Variants in DST observed in about 807,000 individuals in gnomAD.
DST encodes dystonin.
In DST, 253 loss-of-function variants were observed where a neutral mutation model predicts 875.2. The observed-to-expected ratio is 0.29, with a 90% CI of 0.26 to 0.32. DST has a LOEUF of 0.32. DST is among the 10% of genes least tolerant of loss of function. DST has a pLI of 1.00. For synonymous variants in DST, 3,124 were observed against 3,197.1 expected, an observed-to-expected ratio of 0.98 and a Z score of 0.77; for missense variants, 8,287 against 9,111.6, an observed-to-expected ratio of 0.91 and a Z score of 3.68.
intron 4 of DST, among the ~76,000 whole-genome samples, chr6:56,790,156 T>A (rs1412456403): frequency 1.3e-5 from 2 of 152,152 alleles, no homozygotes; most frequent in Non-Finnish European, 2.9e-5. Context: ...ACTTTCCCAT[T>A]ATTTCTCCAG....
intron 63 of DST, among the ~76,000 whole-genome samples, chr6:56,534,657 C>G (rs2096961715): frequency 1.3e-5 from 2 of 152,164 alleles, no homozygotes; most frequent in Non-Finnish European, 2.9e-5. Flanking sequence ...TATTTCCATA[C>G]AAATGCCATC....
intron 9 of DST, among the ~76,000 whole-genome samples, chr6:56,679,649 C>A (rs560548095): frequency 1.3e-5 from 2 of 150,284 alleles, no homozygotes; most frequent in African/African-American, 4.9e-5. Context: ...CACGTGCCTG[C>A]GGTCCAAGCT....
At chr6:56,641,854 T>C in intron 17 of DST, 93 bp downstream of exon 17, 1 of 990,858 alleles carries the variant, frequency 1.0e-6, no homozygotes, top group Middle Eastern at 3.0e-4. Flanking sequence ...GAAATATATT[T>C]CATAAAATTT....
chr6:56,507,513 G>A (rs1216854890), intron 75 of DST, among the ~76,000 whole-genome samples: 3 of 152,186 alleles, frequency 2.0e-5, no homozygotes, highest in African/African-American at 7.2e-5. Flanking sequence ...GAACACAGAT[G>A]CACTAACTCT....
chr6:56,642,602 C>A, intron 15 of DST, 99 bp from the exon 16 acceptor site: 1 of 1,613,928 alleles, frequency 6.2e-7, no homozygotes, highest in African/African-American at 1.3e-5. Flanking sequence ...AAACACAATC[C>A]CACACCAATG....
Position 56,619,314 on chromosome 6 carries a change from G to A in DST, c.4930-4830C>T, listed in dbSNP as rs1277472105. 20 of 1,610,648 alleles carry A rather than the reference G, an allele frequency of 1.2e-5. No homozygotes were observed. The highest frequency in any genetic ancestry group is 1.7e-5 in the Non-Finnish European group (20 of 1,179,204). On this transcript the variant is annotated intron_variant, in intron 36 of 103. Coordinates refer to ENST00000680361, the MANE Select transcript of DST (RefSeq NM_001374736.1). ...TGCCTAGTAAGCTCCTCTACTTTTT[G>A]TTTTAGCATCTCTGCACACTCATTA... is the stretch of plus-strand genomic sequence containing the variant.
intron 69 of DST, among the ~76,000 whole-genome samples, chr6:56,524,368 T>G (rs2096759526): frequency 6.6e-6 from 1 of 152,096 alleles, no homozygotes; most frequent in East Asian, 1.9e-4. Context: ...ATTAGATACC[T>G]CCACTTTGTT....
intron 4 of DST, among the ~76,000 whole-genome samples, chr6:56,832,854 C>T (rs376755908): frequency 1.1e-4 from 16 of 152,248 alleles, no homozygotes; most frequent in Admixed American, 4.6e-4. Flanking sequence ...ATTCTCCTGC[C>T]GCAGCCTCCT....
intron 13 of DST, among the ~76,000 whole-genome samples, chr6:56,647,699 T>TC (rs2098951717): frequency 6.6e-6 from 1 of 151,790 alleles, no homozygotes; most frequent in African/African-American, 2.4e-5. Context: ...TTTTTTTTTT[T>TC]TTTTGAGACG....
At chr6:56,564,796 C>T (rs1420069957) in intron 55 of DST, among the ~76,000 whole-genome samples, 3 of 152,088 alleles carry the variant, frequency 2.0e-5, no homozygotes, top group South Asian at 4.2e-4. Context: ...TGAATGTTAT[C>T]GAAGGCCTTT....
chr6:56,757,871 G>A (rs2099608011), intron 4 of DST, among the ~76,000 whole-genome samples: 1 of 152,152 alleles, frequency 6.6e-6, no homozygotes, highest in Non-Finnish European at 1.5e-5. Context: ...CTTCTCTCAA[G>A]TAAGAGAAAA....
chr6:56,664,278 T>G (rs1009952599), intron 10 of DST, among the ~76,000 whole-genome samples: 1 of 152,224 alleles, frequency 6.6e-6, no homozygotes, highest in Non-Finnish European at 1.5e-5. Flanking sequence ...CTTTCATTAA[T>G]GTTCTAAGGC....
At chr6:56,508,424 C>G in intron 75 of DST, 105 bp downstream of exon 75, 1 of 923,002 alleles carries the variant, frequency 1.1e-6, no homozygotes, top group Non-Finnish European at 1.7e-6. Context: ...TTTTCAGAAC[C>G]AAATATAAAT....
At chr6:56,850,446 C>T (rs1764578997) in intron 4 of DST, among the ~76,000 whole-genome samples, 1 of 151,824 alleles carries the variant, frequency 6.6e-6, no homozygotes, top group Admixed American at 6.6e-5. Context: ...GAAAGGGACC[C>T]CCAGAGTTAA....
chr6:56,541,528 G>T, intron 61 of DST: 1 of 153,534 alleles, frequency 6.5e-6, no homozygotes, highest in East Asian at 1.9e-4. Flanking sequence ...CTACACATGG[G>T]GGATTCTGAC....
chr6:56,565,468 C>A (rs891746120), intron 55 of DST, among the ~76,000 whole-genome samples: 1 of 152,150 alleles, frequency 6.6e-6, no homozygotes, highest in African/African-American at 2.4e-5. Flanking sequence ...AGGAATGATA[C>A]CAGCTCCTCT....
intron 30 of DST, 94 bp downstream of exon 30, chr6:56,631,117 T>C: frequency 2.0e-6 from 1 of 497,478 alleles, no homozygotes. Context: ...TAAAAGTTAA[T>C]ATTTATATTA....
chr6:56,833,419 A>G (rs1379249051), intron 4 of DST, among the ~76,000 whole-genome samples: 2 of 152,158 alleles, frequency 1.3e-5, no homozygotes, highest in Non-Finnish European at 2.9e-5. Flanking sequence ...CAAACTTTCC[A>G]ACTCTACTTC....
At chr6:56,707,786 C>T (rs2099347144) in intron 5 of DST, among the ~76,000 whole-genome samples, 1 of 152,140 alleles carries the variant, frequency 6.6e-6, no homozygotes, top group Non-Finnish European at 1.5e-5. Flanking sequence ...GTGTCATTTG[C>T]TACTATCGTA....
Sources: gnomAD v4.1 joint callset for allele counts (sites outside exome capture counted in the v4.1 genomes callset) on GRCh38, gnomAD v4.1.1 for gene constraint, MANE v1.5 for transcripts, NCBI Gene and HGNC (gene_info 2026-07-23, HGNC 2026-07-21) for gene names.